Variants in PAX3 observed in about 807,000 individuals in gnomAD.
The protein encoded by PAX3 is paired box protein Pax-3.
In PAX3, 14 loss-of-function variants were observed where a neutral mutation model predicts 51.6. That is an observed-to-expected ratio of 0.27 (90% CI 0.18 to 0.42). The LOEUF is 0.42. PAX3 is among the 10% of genes least tolerant of loss of function. The pLI is 1.00. For synonymous variants in PAX3, 280 were observed against 253.4 expected, an observed-to-expected ratio of 1.11 and a Z score of -1.00; for missense variants, 540 against 642.8, an observed-to-expected ratio of 0.84 and a Z score of 1.73.
At chr2:222,244,958 G>A (rs1229138044) in intron 4 of PAX3, among the ~76,000 whole-genome samples, 1 of 151,924 alleles carries the variant, frequency 6.6e-6, no homozygotes, top group African/African-American at 2.4e-5. Context: ...AACCAGCCTG[G>A]CCAATGAGGC....
In PAX3 at chr2:222,201,379, C is replaced by A. The variant is rs750608899; in HGVS notation, c.*29G>T. 8 of 1,612,456 alleles carry A rather than the reference C, an allele frequency of 5.0e-6. No individual in the cohort carries two copies. Among genetic ancestry groups the A allele is most frequent in the Non-Finnish European group, 3.4e-6 (4 of 1,179,924 alleles). ...TAGGCTGCGAAGACCAGAAACAGGG[C>A]CAGTTTTAGCTCCAAGTGGACAGTT... On this transcript the variant is annotated 3_prime_UTR_variant, in exon 9 of 9. Coordinates refer to ENST00000392070, the MANE Select transcript of PAX3 (RefSeq NM_181458.4).
intron 4 of PAX3, among the ~76,000 whole-genome samples, chr2:222,244,367 C>T (rs1693135495): frequency 2.0e-5 from 3 of 152,290 alleles, no homozygotes; most frequent in South Asian, 2.1e-4. Flanking sequence ...TTGGGACAAG[C>T]TTATTAACCC....
At position 222,212,941 on chromosome 2, in the gene PAX3, AT is replaced by A. The variant is rs1010889020; in HGVS notation, c.1173+7198del. Among the ~76,000 whole-genome samples the A allele has an allele frequency of 1.2e-4, 19 of 152,066 alleles. No homozygotes were observed. The East Asian group carries it at 3.1e-3, about 25-fold the overall frequency. On this transcript the variant is annotated intron_variant, in intron 7 of 8. Transcript: ENST00000392070. Reference sequence around the variant, plus strand: ...AGTTATAGACTAAGCAATAATGCTCATTTTTTTTCGACTCAAAAGCTGGAGG... The same window carrying A: ...AGTTATAGACTAAGCAATAATGCTCATTTTTTTCGACTCAAAAGCTGGAGG...
At chr2:222,202,282 T>C (rs1691327377) in intron 7 of PAX3, 92 bp from the exon 8 acceptor site, 1 of 1,030,638 alleles carries the variant, frequency 9.7e-7, no homozygotes, top group Non-Finnish European at 1.5e-6. Context: ...AGTCCAGTTT[T>C]TATTTCTTTG....
intron 7 of PAX3, among the ~76,000 whole-genome samples, chr2:222,208,727 A>G (rs1691607578): frequency 6.6e-6 from 1 of 152,176 alleles, no homozygotes; most frequent in Non-Finnish European, 1.5e-5. Context: ...TGGAAAATCA[A>G]ACGTGTATCT....
intron 4 of PAX3, chr2:222,293,694 C>T (rs1335482023): frequency 9.3e-6 from 15 of 1,614,140 alleles, no homozygotes; most frequent in Non-Finnish European, 1.3e-5. Flanking sequence ...AGGGCCGTTG[C>T]CCAAAAGAGT....
chr2:222,296,877 C>A, intron 2 of PAX3, 101 bp downstream of exon 2: 1 of 974,436 alleles, frequency 1.0e-6, no homozygotes, highest in Non-Finnish European at 1.6e-6. Context: ...AGAAATAACT[C>A]ATTGGAGAGC....
At chr2:222,234,491 T>G (rs1262172692) in intron 4 of PAX3, among the ~76,000 whole-genome samples, 1 of 152,200 alleles carries the variant, frequency 6.6e-6, no homozygotes, top group Non-Finnish European at 1.5e-5. Context: ...CTAAACTAAA[T>G]GAGCAATAAT....
chr2:222,202,115 C>G lies in PAX3; in HGVS notation c.1249G>C (p.Gly417Arg). The change falls in exon 8 of 9, where the codon GGG becomes CGG. Residue 417 changes from glycine to arginine, a missense_variant. Transcript: ENST00000392070. Reference sequence around the variant, plus strand: ...ACCGTGGTGGTAGGTTCCAGACCCCCGGTGAGAGGGGAGAGCGCGTAATCA... The same window carrying G: ...ACCGTGGTGGTAGGTTCCAGACCCCGGGTGAGAGGGGAGAGCGCGTAATCA... ...QTDYALSPLTGGLEPTTTVSA... is the reference protein window; with the variant it reads ...QTDYALSPLTRGLEPTTTVSA... The G allele has an allele frequency of 6.2e-7, 1 of 1,613,694 alleles. No individual in the cohort carries two copies. Among genetic ancestry groups the G allele is most frequent in the Non-Finnish European group, 8.5e-7 (1 of 1,179,896 alleles).
intron 7 of PAX3, among the ~76,000 whole-genome samples, chr2:222,217,941 T>C (rs373715303): frequency 2.5e-4 from 38 of 152,300 alleles, no homozygotes; most frequent in African/African-American, 9.1e-4. Context: ...TTTGGCAAGA[T>C]ACTGATTTGC....
chr2:222,294,244 G>T lies in PAX3; in HGVS notation c.509C>A (p.Ala170Asp), dbSNP rs376921556. ...SKFGKGEEEE[A>D]DLERKEAEES... The stretch of plus-strand genomic sequence containing the variant: ...CTCTGCCTCCTTCCTCTCCAAGTCG[G>T]CCTCCTCCTCTTCACCTTTCCCGAA... Residue 170 changes from alanine to aspartate, a missense_variant, in exon 4 of 9, where the codon GCC becomes GAC. By Grantham distance (126) the Ala-to-Asp change is moderately radical. This residue lies in a region of PAX3 where 427 missense variants were observed against 483.6 expected (regional missense o/e 0.88). Coordinates refer to ENST00000392070, the MANE Select transcript of PAX3 (RefSeq NM_181458.4). 9.9e-6 allele frequency: 16 copies of T among 1,614,062 alleles called. No homozygotes were observed. Among genetic ancestry groups the T allele is most frequent in the Middle Eastern group, 1.6e-4 (1 of 6,084 alleles).
intron 4 of PAX3, among the ~76,000 whole-genome samples, chr2:222,236,960 T>C (rs936402333): frequency 2.6e-5 from 4 of 152,216 alleles, no homozygotes; most frequent in South Asian, 4.1e-4. Flanking sequence ...CAAAAAGATG[T>C]AGATTTTATC....
At chr2:222,278,773 T>C (rs1025013899) in intron 4 of PAX3, among the ~76,000 whole-genome samples, 4 of 152,222 alleles carry the variant, frequency 2.6e-5, no homozygotes, top group Admixed American at 2.6e-4. Flanking sequence ...TTTAGGGGCA[T>C]CAGGAACCTA....
At chr2:222,250,012 G>T (rs1693366684) in intron 4 of PAX3, among the ~76,000 whole-genome samples, 1 of 152,052 alleles carries the variant, frequency 6.6e-6, no homozygotes, top group Non-Finnish European at 1.5e-5. Flanking sequence ...ATAGGTCATG[G>T]ATAGTTCAGA....
intron 4 of PAX3, among the ~76,000 whole-genome samples, chr2:222,249,382 T>A (rs996076764): frequency 2.6e-5 from 4 of 152,168 alleles, no homozygotes; most frequent in African/African-American, 9.7e-5. Flanking sequence ...TTTCCTTGAG[T>A]AAATCTTTCC....
intron 4 of PAX3, among the ~76,000 whole-genome samples, chr2:222,240,663 C>G (rs1021560592): frequency 8.5e-5 from 13 of 152,176 alleles, no homozygotes; most frequent in Non-Finnish European, 8.8e-5. Flanking sequence ...ACCCACCAAC[C>G]CGTACCTGTT....
intron 7 of PAX3, among the ~76,000 whole-genome samples, chr2:222,210,408 C>T (rs1039613057): frequency 1.3e-5 from 2 of 152,144 alleles, no homozygotes; most frequent in Non-Finnish European, 2.9e-5. Flanking sequence ...AGGCGAGTAT[C>T]TTGCTTCTAA....
At position 222,282,352 on chromosome 2, in the gene PAX3, A is replaced by C. The variant is rs79175412; in HGVS notation, c.586+11815T>G. 9.9e-3 allele frequency among the ~76,000 whole-genome samples: 1,503 copies of C among 152,318 alleles called. 25 individuals are homozygous for C. Among genetic ancestry groups the C allele is most frequent in the African/African-American group, 0.034 (1,407 of 41,550 alleles). ...TCCATAGCATCAGATTTAAGGGAAA[A>C]TAGACTGAAATGATTTGGTGGAAGC... is the stretch of plus-strand genomic sequence containing the variant. On this transcript the variant is annotated intron_variant, in intron 4 of 8. Coordinates refer to ENST00000392070, the MANE Select transcript of PAX3 (RefSeq NM_181458.4).
intron 4 of PAX3, among the ~76,000 whole-genome samples, chr2:222,265,851 T>A (rs1000940338): frequency 1.3e-5 from 2 of 152,258 alleles, no homozygotes; most frequent in Non-Finnish European, 2.9e-5. Flanking sequence ...GCTAGAATTC[T>A]TGTTCATACC....
Sources: gnomAD v4.1 joint callset for allele counts (sites outside exome capture counted in the v4.1 genomes callset) on GRCh38, gnomAD v4.1.1 for gene constraint, gnomAD v4.1.1 regional missense constraint, MANE v1.5 for transcripts, NCBI Gene and HGNC (gene_info 2026-07-23, HGNC 2026-07-21) for gene names.